The following SCHIP1 variants were observed in gnomAD, a reference collection of about 807,000 sequenced individuals.
SCHIP1 encodes the protein schwannomin interacting protein 1.
A neutral mutation model predicts 29.7 loss-of-function variants in SCHIP1; 8 were observed. The ratio of observed to expected loss-of-function variants is 0.27; its 90% confidence interval spans 0.16 to 0.49. The LOEUF is 0.49. Among genes scored for constraint, SCHIP1 ranks in the 20% least tolerant of loss-of-function variants. The probability of loss-of-function intolerance (pLI) is 0.99; values close to 1 mark genes in which losing one functional copy is unlikely to be tolerated. For synonymous variants in SCHIP1, 76 were observed against 94.9 expected, an observed-to-expected ratio of 0.80 and a Z score of 1.16; for missense variants, 193 against 294.6, an observed-to-expected ratio of 0.66 and a Z score of 2.52.
chr3:159,768,621 G>C, the SCHIP1 span: 1 of 152,368 alleles, frequency 6.6e-6, no homozygotes, highest in Non-Finnish European at 1.5e-5. Flanking sequence ...CTTGGTATCT[G>C]TGGAGGATGA....
chr3:159,385,649 C>T, the SCHIP1 span, among the ~76,000 whole-genome samples: 1 of 151,038 alleles, frequency 6.6e-6, no homozygotes, highest in Non-Finnish European at 1.5e-5. Context: ...CAAACACTTG[C>T]CAAAAATGAA....
At chr3:159,644,288 T>C in the SCHIP1 span, among the ~76,000 whole-genome samples, 1 of 152,284 alleles carries the variant, frequency 6.6e-6, no homozygotes, top group South Asian at 2.1e-4. Context: ...ATTGTTTATT[T>C]ACTTCTATTA....
At chr3:159,835,413 A>G (rs1272508000), upstream of SCHIP1, among the ~76,000 whole-genome samples, 2 of 152,200 alleles carry the variant, frequency 1.3e-5, no homozygotes, top group African/African-American at 4.8e-5. Flanking sequence ...ACTTTTTCCC[A>G]CAAATACCCA....
At chr3:159,553,888 C>T in the SCHIP1 span, among the ~76,000 whole-genome samples, 1 of 152,102 alleles carries the variant, frequency 6.6e-6, no homozygotes, top group Non-Finnish European at 1.5e-5. Context: ...GCAACCTCAG[C>T]CTCCTGGGTT....
the SCHIP1 span, among the ~76,000 whole-genome samples, chr3:159,644,050 T>G: frequency 5.2e-3 from 795 of 152,220 alleles, 9 homozygotes; most frequent in African/African-American, 0.019. Context: ...TAAAAAGCCA[T>G]ACCTGGAAGT....
the SCHIP1 span, among the ~76,000 whole-genome samples, chr3:159,695,364 C>T: frequency 6.6e-6 from 1 of 152,294 alleles, no homozygotes; most frequent in South Asian, 2.1e-4. Flanking sequence ...TTGACCCTTC[C>T]TCCTATGTCT....
At chr3:159,862,877 C>T (rs550712647) in intron 1 of SCHIP1, among the ~76,000 whole-genome samples, 1 of 152,236 alleles carries the variant, frequency 6.6e-6, no homozygotes, top group East Asian at 1.9e-4. Context: ...AAGCTGCACC[C>T]TCTTACATTG....
the SCHIP1 span, among the ~76,000 whole-genome samples, chr3:159,443,052 T>C: frequency 6.6e-6 from 1 of 152,166 alleles, no homozygotes; most frequent in Admixed American, 6.5e-5. Flanking sequence ...ATGAATAATA[T>C]AGAGCTGAGG....
chr3:159,703,080 G>A, the SCHIP1 span, among the ~76,000 whole-genome samples: 1 of 152,118 alleles, frequency 6.6e-6, no homozygotes, highest in African/African-American at 2.4e-5. Flanking sequence ...CTGTTATTTG[G>A]GATCTTGAGC....
At chr3:159,355,383 C>A in the SCHIP1 span, among the ~76,000 whole-genome samples, 1 of 152,080 alleles carries the variant, frequency 6.6e-6, no homozygotes, top group Non-Finnish European at 1.5e-5. Flanking sequence ...ATTGAACCCC[C>A]CAACGCTGTT....
chr3:159,337,315 C>A, the SCHIP1 span, among the ~76,000 whole-genome samples: 1 of 152,112 alleles, frequency 6.6e-6, no homozygotes, highest in East Asian at 1.9e-4. Context: ...CTCACCACTC[C>A]TATTCAACAT....
At chr3:159,418,314 A>G in the SCHIP1 span, among the ~76,000 whole-genome samples, 21,192 of 152,140 alleles carry the variant, frequency 0.14, 1,729 homozygotes, top group African/African-American at 0.2. Context: ...TCCCAGATAG[A>G]TATCTATCTA....
chr3:159,797,655 C>T, the SCHIP1 span, among the ~76,000 whole-genome samples: 1 of 151,898 alleles, frequency 6.6e-6, no homozygotes, highest in Non-Finnish European at 1.5e-5. Flanking sequence ...TCACTGCAAG[C>T]TCTGCCTCCC....
the SCHIP1 span, among the ~76,000 whole-genome samples, chr3:159,713,401 C>T: frequency 1.3e-5 from 2 of 151,936 alleles, no homozygotes; most frequent in Admixed American, 6.6e-5. Context: ...GATATGAAGC[C>T]CCAACCCCTC....
the SCHIP1 span, among the ~76,000 whole-genome samples, chr3:159,748,463 G>A: frequency 6.6e-6 from 1 of 152,222 alleles, no homozygotes; most frequent in Non-Finnish European, 1.5e-5. Context: ...GCAAAATTAT[G>A]GAGGTGTACC....
the SCHIP1 span, among the ~76,000 whole-genome samples, chr3:159,489,278 G>A: frequency 0.17 from 25,697 of 151,970 alleles, 2,387 homozygotes; most frequent in South Asian, 0.34. Flanking sequence ...GTGAATTTGT[G>A]TTCTACTAAA....
the SCHIP1 span, among the ~76,000 whole-genome samples, chr3:159,446,986 T>A: frequency 6.6e-6 from 1 of 152,180 alleles, no homozygotes; most frequent in Non-Finnish European, 1.5e-5. Flanking sequence ...AATGGGAAAC[T>A]GAATGGAATA....
At chr3:159,337,534 C>T in the SCHIP1 span, among the ~76,000 whole-genome samples, 4 of 152,268 alleles carry the variant, frequency 2.6e-5, no homozygotes, top group Admixed American at 2.6e-4. Flanking sequence ...AAATCCCAAG[C>T]ATTCTTATAC....
chr3:159,428,541 AAAC>A, the SCHIP1 span, among the ~76,000 whole-genome samples: 2 of 152,162 alleles, frequency 1.3e-5, no homozygotes, highest in African/African-American at 4.8e-5. Context: ...AAAGGTCAGG[AAAC>A]AACAGGTGCT....
Sources: gnomAD v4.1 joint callset for allele counts (sites outside exome capture counted in the v4.1 genomes callset) on GRCh38, gnomAD v4.1.1 for gene constraint, MANE v1.5 for transcripts, NCBI Gene and HGNC (gene_info 2026-07-23, HGNC 2026-07-21) for gene names.